Variants in ZMAT4 observed in about 807,000 individuals in gnomAD.
ZMAT4 encodes zinc finger matrin-type protein 4.
ZMAT4 carries 17 observed loss-of-function variants against 28.7 expected under a neutral mutation model. That is an observed-to-expected ratio of 0.59 (90% CI 0.41 to 0.89). The LOEUF is 0.89. Ranked by LOEUF, ZMAT4 falls within the 40% of genes least tolerant of loss-of-function variation. ZMAT4 has a pLI of 0.00. For synonymous variants in ZMAT4, 117 were observed against 109.2 expected (o/e 1.07, Z -0.44); for missense variants, 240 against 283.8 (o/e 0.85, Z 1.11).
At chr8:40,584,526 T>TA (rs1252087817) in intron 5 of ZMAT4, among the ~76,000 whole-genome samples, 3 of 152,194 alleles carry the variant, frequency 2.0e-5, no homozygotes, top group African/African-American at 7.2e-5. Flanking sequence ...CTCTACTACT[T>TA]AAAAATAAGT....
chr8:40,709,079 C>A (rs1435319283), intron 3 of ZMAT4, among the ~76,000 whole-genome samples: 1 of 152,278 alleles, frequency 6.6e-6, no homozygotes, highest in East Asian at 1.9e-4. Flanking sequence ...TCTGCAAATG[C>A]TCAAGTCCTT....
intron 3 of ZMAT4, among the ~76,000 whole-genome samples, chr8:40,756,424 TTTTA>T (rs1274496916): frequency 7.5e-4 from 18 of 24,120 alleles, no homozygotes; most frequent in African/African-American, 2.7e-3. Context: ...GGAAATGTTC[TTTTA>T]TATATATATA....
At chr8:40,675,908 T>C (rs930071215) in intron 4 of ZMAT4, among the ~76,000 whole-genome samples, 1 of 152,238 alleles carries the variant, frequency 6.6e-6, no homozygotes, top group African/African-American at 2.4e-5. Context: ...TGTATCACTA[T>C]TTTGAGATTG....
chr8:40,759,933 T>C (rs1186319033), intron 3 of ZMAT4, among the ~76,000 whole-genome samples: 2 of 152,130 alleles, frequency 1.3e-5, no homozygotes, highest in Non-Finnish European at 2.9e-5. Context: ...ATTCTTCAGC[T>C]CATAAATAAT....
intron 2 of ZMAT4, among the ~76,000 whole-genome samples, chr8:40,785,247 T>C (rs988329121): frequency 1.3e-5 from 2 of 152,232 alleles, no homozygotes; most frequent in Admixed American, 6.5e-5. Context: ...TTTCATCCTA[T>C]ACTGACCTCT....
intron 3 of ZMAT4, among the ~76,000 whole-genome samples, chr8:40,750,316 G>C (rs1812405323): frequency 6.6e-6 from 1 of 152,174 alleles, no homozygotes; most frequent in Non-Finnish European, 1.5e-5. Flanking sequence ...AATATTTTAG[G>C]CATGGGGAAT....
intron 2 of ZMAT4, among the ~76,000 whole-genome samples, chr8:40,818,533 C>T (rs769087198): frequency 3.9e-5 from 6 of 152,212 alleles, no homozygotes; most frequent in Non-Finnish European, 5.9e-5. Flanking sequence ...ATTAAGCACT[C>T]ATGATGCCAA....
At chr8:40,702,157 A>G (rs770922596) in intron 3 of ZMAT4, among the ~76,000 whole-genome samples, 2 of 152,164 alleles carry the variant, frequency 1.3e-5, no homozygotes, top group Non-Finnish European at 2.9e-5. Context: ...TGGACTTCCC[A>G]GCTTCTAGAA....
intron 2 of ZMAT4, among the ~76,000 whole-genome samples, chr8:40,778,099 T>G (rs1466663300): frequency 6.6e-6 from 1 of 152,194 alleles, no homozygotes; most frequent in Non-Finnish European, 1.5e-5. Context: ...AAAACTCGCT[T>G]TAAACAGAGC....
At chr8:40,695,352 A>G (rs940243740) in intron 4 of ZMAT4, among the ~76,000 whole-genome samples, 5 of 152,146 alleles carry the variant, frequency 3.3e-5, no homozygotes, top group African/African-American at 1.2e-4. Flanking sequence ...TGGTGCTGCC[A>G]CTTTCCAAGA....
In ZMAT4 at chr8:40,647,426, C is replaced by T. The variant is rs372133146; in HGVS notation, c.577+27278G>A. Among the ~76,000 whole-genome samples, 34 of 152,302 alleles carry T rather than the reference C, an allele frequency of 2.2e-4. No individual in the cohort carries two copies. In the South Asian group the frequency reaches 6.6e-3, roughly 30 times the overall value. On this transcript the variant is annotated intron_variant, in intron 5 of 6. Transcript: ENST00000297737. ...CCCGCACCTGGCTCGGAGGGTCCTA[C>T]ACCCACGGAGTCTAGCTGATTGCTA... is the stretch of plus-strand genomic sequence containing the variant.
intron 1 of ZMAT4, among the ~76,000 whole-genome samples, chr8:40,863,847 C>T (rs1049782042): frequency 1.5e-4 from 23 of 152,338 alleles, no homozygotes; most frequent in African/African-American, 5.5e-4. Context: ...CACCACTACT[C>T]ATGCTCTACT....
chr8:40,696,397 G>A (rs995572077), intron 4 of ZMAT4, among the ~76,000 whole-genome samples: 1 of 152,150 alleles, frequency 6.6e-6, no homozygotes, highest in Non-Finnish European at 1.5e-5. Flanking sequence ...TTAGACAGCA[G>A]ATAAAATGTA....
intron 6 of ZMAT4, among the ~76,000 whole-genome samples, chr8:40,572,055 ATCT>A (rs919935112): frequency 1.3e-5 from 2 of 152,192 alleles, no homozygotes; most frequent in African/African-American, 4.8e-5. Flanking sequence ...CAAAGAGAAC[ATCT>A]TCTCAGGATT....
At chr8:40,873,872 T>A (rs1265029897) in intron 1 of ZMAT4, among the ~76,000 whole-genome samples, 2 of 152,186 alleles carry the variant, frequency 1.3e-5, no homozygotes, top group East Asian at 3.9e-4. Flanking sequence ...CTTTCCACCC[T>A]GGGATGCTGG....
At chr8:40,843,228 G>T (rs1466529407) in intron 1 of ZMAT4, among the ~76,000 whole-genome samples, 1 of 152,170 alleles carries the variant, frequency 6.6e-6, no homozygotes, top group Non-Finnish European at 1.5e-5. Context: ...CTCATTGCTA[G>T]GACCTTGTTT....
intron 5 of ZMAT4, among the ~76,000 whole-genome samples, chr8:40,653,293 A>C (rs935150173): frequency 6.6e-6 from 1 of 152,118 alleles, no homozygotes; most frequent in Non-Finnish European, 1.5e-5. Context: ...TAAAACATTT[A>C]AAAACATAAG....
Position 40,637,337 on chromosome 8 carries a change from C to A in ZMAT4, c.577+37367G>T, listed in dbSNP as rs578262732. Among the ~76,000 whole-genome samples, 275 of 152,226 alleles carry A rather than the reference C, an allele frequency of 1.8e-3. 1 individual carries two copies. The highest frequency in any genetic ancestry group is 6.1e-3 in the African/African-American group (254 of 41,548). On this transcript the variant is annotated intron_variant, in intron 5 of 6. Transcript: ENST00000297737. Reference sequence around the variant, plus strand: ...CAGTTAACATGGGAATTGCTGAGCACCAAATCAGAATTATTGACAGTGAGG... The same window carrying A: ...CAGTTAACATGGGAATTGCTGAGCAACAAATCAGAATTATTGACAGTGAGG...
At chr8:40,616,178 C>T (rs555318207) in intron 5 of ZMAT4, among the ~76,000 whole-genome samples, 20 of 152,250 alleles carry the variant, frequency 1.3e-4, no homozygotes, top group African/African-American at 4.6e-4. Context: ...AAATCAAAAC[C>T]ACAATGAGAT....
Sources: gnomAD v4.1 joint callset for allele counts (sites outside exome capture counted in the v4.1 genomes callset) on GRCh38, gnomAD v4.1.1 for gene constraint, MANE v1.5 for transcripts, NCBI Gene and HGNC (gene_info 2026-07-23, HGNC 2026-07-21) for gene names.